The following CDH13 variants were observed in gnomAD, a reference collection of about 807,000 sequenced individuals.
The protein encoded by CDH13 is cadherin 13.
Under a neutral mutation model 63.8 loss-of-function variants are expected in CDH13, and 24 were observed. That is an observed-to-expected ratio of 0.38 (90% confidence interval 0.27 to 0.53). The LOEUF is 0.53. Among genes scored for constraint, CDH13 ranks in the 20% least tolerant of loss-of-function variants. CDH13 has a pLI of 0.85. For missense variants in CDH13, 1,049 were observed against 903.1 expected, an observed-to-expected ratio of 1.16 and a Z score of -2.07; for synonymous variants, 503 against 355.3, an observed-to-expected ratio of 1.42 and a Z score of -4.67.
intron 1 of CDH13, among the ~76,000 whole-genome samples, chr16:82,701,871 A>G (rs555119330): frequency 1.3e-5 from 2 of 152,306 alleles, no homozygotes; most frequent in South Asian, 4.1e-4. Flanking sequence ...CCTCTTCTGA[A>G]GACACAGAAG....
chr16:83,519,079 C>T (rs888254699), intron 7 of CDH13, among the ~76,000 whole-genome samples: 3 of 152,130 alleles, frequency 2.0e-5, no homozygotes, highest in African/African-American at 7.2e-5. Flanking sequence ...GTTCTTTGTC[C>T]GTAGCCTGGA....
At chr16:83,022,173 C>T (rs1187104646) in intron 2 of CDH13, among the ~76,000 whole-genome samples, 1 of 152,220 alleles carries the variant, frequency 6.6e-6, no homozygotes, top group South Asian at 2.1e-4. Context: ...TGGAAAGAGT[C>T]TGTCTGATAT....
intron 1 of CDH13, among the ~76,000 whole-genome samples, chr16:82,725,735 A>G (rs965991228): frequency 6.6e-6 from 1 of 152,126 alleles, no homozygotes; most frequent in African/African-American, 2.4e-5. Context: ...ACTGATTTGA[A>G]CACCATCCTC....
At chr16:83,292,095 G>C (rs1352398551) in intron 5 of CDH13, among the ~76,000 whole-genome samples, 1 of 152,168 alleles carries the variant, frequency 6.6e-6, no homozygotes, top group African/African-American at 2.4e-5. Flanking sequence ...ACTAATTTAA[G>C]AAGTGTCAGG....
intron 5 of CDH13, among the ~76,000 whole-genome samples, chr16:83,331,746 T>C (rs966686555): frequency 2.0e-5 from 3 of 152,228 alleles, no homozygotes; most frequent in African/African-American, 7.2e-5. Context: ...GAATTTGTAC[T>C]TCTTAACATG....
At chr16:83,264,186 A>T (rs1373244686) in intron 5 of CDH13, among the ~76,000 whole-genome samples, 2 of 151,968 alleles carry the variant, frequency 1.3e-5, no homozygotes. Flanking sequence ...CCCTGAATAC[A>T]TTTTTTTTCA....
chr16:82,812,150 C>G (rs1443643385), intron 1 of CDH13, among the ~76,000 whole-genome samples: 1 of 152,078 alleles, frequency 6.6e-6, no homozygotes, highest in Non-Finnish European at 1.5e-5. Context: ...AATCATTGTG[C>G]CAACAGACTG....
At chr16:83,218,341 G>T (rs1165976488) in intron 5 of CDH13, among the ~76,000 whole-genome samples, 1 of 152,170 alleles carries the variant, frequency 6.6e-6, no homozygotes, top group Non-Finnish European at 1.5e-5. Flanking sequence ...GGCCCTGGGA[G>T]GATGCGGGTG....
intron 1 of CDH13, among the ~76,000 whole-genome samples, chr16:82,783,137 G>T (rs541188777): frequency 1.3e-5 from 2 of 152,322 alleles, no homozygotes; most frequent in African/African-American, 4.8e-5. Context: ...GGCACCGAGG[G>T]ACATTTCCTG....
At chr16:83,256,835 A>C (rs1597606459) in intron 5 of CDH13, among the ~76,000 whole-genome samples, 1 of 107,164 alleles carries the variant, frequency 9.3e-6, no homozygotes, top group African/African-American at 3.8e-5. Context: ...ACGGAGCGAG[A>C]CTCCATCTCA....
intron 4 of CDH13, among the ~76,000 whole-genome samples, chr16:83,187,922 T>C (rs1567490115): frequency 6.6e-6 from 1 of 152,112 alleles, no homozygotes; most frequent in East Asian, 1.9e-4. Flanking sequence ...AGTGCAGGGA[T>C]GCATCTATCT....
chr16:83,502,108 C>G (rs2074296969), intron 7 of CDH13, among the ~76,000 whole-genome samples: 1 of 152,176 alleles, frequency 6.6e-6, no homozygotes, highest in African/African-American at 2.4e-5. Context: ...ATAATGGCTC[C>G]TCCCCTTCAA....
At chr16:83,678,097 C>T in intron 9 of CDH13, 111 bp from the exon 10 acceptor site, 1 of 1,089,768 alleles carries the variant, frequency 9.2e-7, no homozygotes, top group South Asian at 1.6e-5. Flanking sequence ...CAAAGCCCAG[C>T]TCCATCCCTG....
intron 1 of CDH13, among the ~76,000 whole-genome samples, chr16:82,820,469 A>G (rs759799383): frequency 2.5e-4 from 38 of 152,158 alleles, no homozygotes; most frequent in Non-Finnish European, 5.0e-4. Context: ...AATTTAAGTA[A>G]CCTCCCCACA....
intron 6 of CDH13, among the ~76,000 whole-genome samples, chr16:83,347,802 C>T (rs2090870582): frequency 6.6e-6 from 1 of 152,232 alleles, no homozygotes; most frequent in Non-Finnish European, 1.5e-5. Flanking sequence ...TCTGCAAATT[C>T]TGGCCACATC....
chr16:83,497,524 G>C (rs12930795), intron 7 of CDH13, among the ~76,000 whole-genome samples: 3,838 of 115,314 alleles, frequency 0.033, 84 homozygotes, highest in Middle Eastern at 0.06. Flanking sequence ...GGTGGGGGGA[G>C]GGGGAAGGGA....
intron 3 of CDH13, among the ~76,000 whole-genome samples, chr16:83,051,729 C>T (rs537016154): frequency 1.3e-5 from 2 of 152,318 alleles, no homozygotes; most frequent in Admixed American, 6.5e-5. Context: ...TCTGAACCTC[C>T]TGCTACCATC....
intron 2 of CDH13, among the ~76,000 whole-genome samples, chr16:82,947,183 C>T (rs1417521308): frequency 6.6e-6 from 1 of 152,104 alleles, no homozygotes; most frequent in Non-Finnish European, 1.5e-5. Flanking sequence ...CACACCTCAA[C>T]CAGAGTAGGT....
intron 7 of CDH13, among the ~76,000 whole-genome samples, chr16:83,572,241 C>A (rs1904707173): frequency 6.7e-6 from 1 of 149,460 alleles, no homozygotes; most frequent in Non-Finnish European, 1.5e-5. Context: ...GGTTGGAGTG[C>A]AATGGCGTGA....
Sources: gnomAD v4.1 joint callset for allele counts (sites outside exome capture counted in the v4.1 genomes callset) on GRCh38, gnomAD v4.1.1 for gene constraint, MANE v1.5 for transcripts, NCBI Gene and HGNC (gene_info 2026-07-23, HGNC 2026-07-21) for gene names.